The following CDH4 variants were observed in gnomAD, a reference collection of about 807,000 sequenced individuals.
CDH4 encodes the protein cadherin-4.
CDH4 carries 33 observed loss-of-function variants against 86.0 expected under a neutral mutation model. That is an observed-to-expected ratio of 0.38 (90% CI 0.29 to 0.51). The LOEUF (loss-of-function observed/expected upper bound fraction) is 0.51. Among genes scored for constraint, CDH4 ranks in the 20% least tolerant of loss-of-function variants. CDH4 has a pLI of 0.86. For missense variants in CDH4, 1,114 were observed against 1,307.4 expected (o/e 0.85, Z 2.28); for synonymous variants, 555 against 549.4 (o/e 1.01, Z -0.14).
rs184590714 is a variant in CDH4, at chr20:61,304,218, G to A, written c.169+49281G>A. On this transcript the variant is annotated intron_variant, in intron 2 of 15. Transcript: ENST00000614565. ...GTCTTTCTCTGCCCATCCTCCGAAC[G>A]CAGTTCTCAGCAGTCAGCATTTTGG... is the stretch of plus-strand genomic sequence containing the variant. Among the ~76,000 whole-genome samples the A allele has an allele frequency of 3.3e-5, 5 of 152,090 alleles. No individual in the cohort carries two copies. In the South Asian group the frequency reaches 8.3e-4, roughly 25 times the overall value.
At position 61,452,592 on chromosome 20, in the gene CDH4, T is replaced by C. The variant is rs372140478; in HGVS notation, c.169+197655T>C. On this transcript the variant is annotated intron_variant, in intron 2 of 15. Transcript: ENST00000614565. ...GAAGCATCTCATCTGGTGAGCTTGCTGTTTGAGTTTTGCTATTTATTCAGT... is the reference window on the plus strand; with the variant it reads ...GAAGCATCTCATCTGGTGAGCTTGCCGTTTGAGTTTTGCTATTTATTCAGT... Among the ~76,000 whole-genome samples the C allele has an allele frequency of 9.8e-5, 15 of 152,370 alleles. No individual in the cohort carries two copies. The East Asian group carries it at 1.7e-3, about 18-fold the overall frequency.
intron 5 of CDH4, among the ~76,000 whole-genome samples, chr20:61,852,517 G>A (rs183662486): frequency 3.3e-5 from 5 of 152,216 alleles, no homozygotes; most frequent in Admixed American, 6.5e-5. Flanking sequence ...GTGTTGGGGG[G>A]TTATGCTGGC....
At chr20:61,837,789 A>G (rs903267894) in intron 4 of CDH4, among the ~76,000 whole-genome samples, 2 of 151,944 alleles carry the variant, frequency 1.3e-5, no homozygotes, top group African/African-American at 2.4e-5. Context: ...TCCCTCCACA[A>G]TCCGCCCCAG....
intron 2 of CDH4, among the ~76,000 whole-genome samples, chr20:61,636,277 A>G (rs2086945724): frequency 1.3e-5 from 2 of 152,218 alleles, no homozygotes; most frequent in South Asian, 2.1e-4. Flanking sequence ...GAGCCTCTCA[A>G]TGGAATGTGG....
At chr20:61,680,247 G>T (rs1487433908) in intron 2 of CDH4, among the ~76,000 whole-genome samples, 4 of 152,228 alleles carry the variant, frequency 2.6e-5, no homozygotes, top group Non-Finnish European at 5.9e-5. Flanking sequence ...TCTGTGTCAG[G>T]ATCCAGACCA....
At chr20:61,853,719 C>T (rs1483413789) in intron 6 of CDH4, among the ~76,000 whole-genome samples, 2 of 152,200 alleles carry the variant, frequency 1.3e-5, no homozygotes, top group Non-Finnish European at 2.9e-5. Context: ...GCACAGCCCC[C>T]ACCTGCTCAT....
intron 2 of CDH4, among the ~76,000 whole-genome samples, chr20:61,679,263 T>C (rs1345397574): frequency 6.6e-6 from 1 of 152,190 alleles, no homozygotes; most frequent in Non-Finnish European, 1.5e-5. Context: ...TCGTCTCTCT[T>C]ACTCTATTTT....
intron 6 of CDH4, among the ~76,000 whole-genome samples, chr20:61,865,106 C>A (rs1983488842): frequency 6.6e-6 from 1 of 152,154 alleles, no homozygotes; most frequent in South Asian, 2.1e-4. Flanking sequence ...TGCTCCCACC[C>A]CTGCCCCTGC....
In CDH4 at chr20:61,520,087, C is replaced by T. The variant is rs551871757; in HGVS notation, c.170-223476C>T. On this transcript the variant is annotated intron_variant, in intron 2 of 15. Coordinates refer to ENST00000614565, the MANE Select transcript of CDH4 (RefSeq NM_001794.5). The stretch of plus-strand genomic sequence containing the variant: ...CTGCCTGCGGGTTTCTACCAAGCAT[C>T]TTCTTTGGGAATTATTCTGCCCAGT... 5.0e-4 allele frequency among the ~76,000 whole-genome samples: 76 copies of T among 152,322 alleles called. 1 individual carries two copies. The highest frequency in any genetic ancestry group is 1.8e-3 in the African/African-American group (76 of 41,584).
chr20:61,614,808 C>T (rs1461160610), intron 2 of CDH4, among the ~76,000 whole-genome samples: 2 of 152,140 alleles, frequency 1.3e-5, no homozygotes, highest in African/African-American at 2.4e-5. Context: ...GCTCTTCAGG[C>T]TCCCTGAGGA....
chr20:61,892,367 C>T (rs1215025818), intron 7 of CDH4, among the ~76,000 whole-genome samples: 1 of 152,210 alleles, frequency 6.6e-6, no homozygotes, highest in South Asian at 2.1e-4. Flanking sequence ...ACCCTGGAGA[C>T]ACAGTGGGTG....
At chr20:61,633,191 A>T (rs1040839795) in intron 2 of CDH4, among the ~76,000 whole-genome samples, 1 of 144,736 alleles carries the variant, frequency 6.9e-6, no homozygotes, top group Non-Finnish European at 1.5e-5. Context: ...TCCATCCTCC[A>T]TCCATTCATC....
In CDH4 at chr20:61,933,238, A is replaced by G; in HGVS notation, c.2379+114A>G. 5 of 1,352,138 alleles carry G rather than the reference A, an allele frequency of 3.7e-6. No homozygotes were observed. The East Asian group carries it at 1.2e-4, about 32-fold the overall frequency. The allele number at this position is 1,352,138 out of a possible 1,614,324, so 83.8% of individuals were successfully genotyped here. On this transcript the variant is annotated intron_variant, in intron 14 of 15. Transcript: ENST00000614565. ...AGTAAGACATTTCAACCTTTTCACC[A>G]GTGAAGGTGCCAGGCAGGGGCGCAC...
chr20:61,732,907 C>G (rs2088211312), intron 2 of CDH4, among the ~76,000 whole-genome samples: 2 of 152,214 alleles, frequency 1.3e-5, no homozygotes, highest in South Asian at 4.2e-4. Flanking sequence ...AAAGCAGAAG[C>G]TGAATGTGGC....
intron 8 of CDH4, 44 bp from the exon 9 acceptor site, chr20:61,910,378 A>C: frequency 6.4e-7 from 1 of 1,571,306 alleles, no homozygotes; most frequent in Non-Finnish European, 8.8e-7. Context: ...GTGCATATTT[A>C]CACTTAACAC....
intron 2 of CDH4, among the ~76,000 whole-genome samples, chr20:61,367,702 A>G (rs1045276595): frequency 1.3e-5 from 2 of 152,152 alleles, no homozygotes; most frequent in Non-Finnish European, 2.9e-5. Flanking sequence ...CAGCTAATCA[A>G]TGAGAAGGGA....
chr20:61,764,527 C>T (rs2088675696), intron 3 of CDH4, among the ~76,000 whole-genome samples: 1 of 152,066 alleles, frequency 6.6e-6, no homozygotes, highest in Non-Finnish European at 1.5e-5. Context: ...ATGAGACCAC[C>T]CAGACCCCTC....
intron 7 of CDH4, among the ~76,000 whole-genome samples, chr20:61,886,333 C>T (rs922223971): frequency 1.9e-4 from 29 of 152,334 alleles, no homozygotes; most frequent in Admixed American, 1.2e-3. Flanking sequence ...GCAGGCTGGC[C>T]GCCTGCATTA....
At chr20:61,737,969 C>T (rs760086490) in intron 2 of CDH4, among the ~76,000 whole-genome samples, 1 of 152,246 alleles carries the variant, frequency 6.6e-6, no homozygotes, top group Non-Finnish European at 1.5e-5. Flanking sequence ...TGGGCACATG[C>T]ATACCTGCCC....
Sources: gnomAD v4.1 joint callset for allele counts (sites outside exome capture counted in the v4.1 genomes callset) on GRCh38, gnomAD v4.1.1 for gene constraint, MANE v1.5 for transcripts, NCBI Gene and HGNC (gene_info 2026-07-23, HGNC 2026-07-21) for gene names.